Variants in CCDC122 observed in about 807,000 individuals in gnomAD.
CCDC122 encodes the protein coiled-coil domain containing 122.
Under a neutral mutation model 37.0 loss-of-function variants are expected in CCDC122, and 38 were observed. That is an observed-to-expected ratio of 1.03 (90% CI 0.79 to 1.35). CCDC122 has a LOEUF of 1.35. Ranked by LOEUF, CCDC122 falls within the 40% of genes most tolerant of loss-of-function variation. CCDC122 has a pLI of 0.00. For synonymous variants in CCDC122, 83 were observed against 95.6 expected (o/e 0.87, Z 0.77); for missense variants, 305 against 310.0 (o/e 0.98, Z 0.12).
At chr13:43,868,644 T>C (rs1954349858) in intron 4 of CCDC122, 50 bp downstream of exon 4, 1 of 952,172 alleles carries the variant, frequency 1.1e-6, no homozygotes, top group Non-Finnish European at 1.5e-6. Flanking sequence ...TCCTGGTCAT[T>C]TACTTTTGAA....
At chr13:43,834,326 T>C (rs980639276), downstream of CCDC122, among the ~76,000 whole-genome samples, 1 of 152,174 alleles carries the variant, frequency 6.6e-6, no homozygotes, top group Non-Finnish European at 1.5e-5. Flanking sequence ...GATTAAAGAC[T>C]TAAACATTAG....
At chr13:43,855,391 A>ACC (rs1293076203) in intron 6 of CCDC122, 1 of 143,838 alleles carries the variant, frequency 7.0e-6, no homozygotes, top group African/African-American at 2.5e-5. Flanking sequence ...ACACACACAC[A>ACC]CACCCCTAAG....
intron 1 of CCDC122, among the ~76,000 whole-genome samples, chr13:43,875,363 T>C (rs1954575652): frequency 6.6e-6 from 1 of 152,176 alleles, no homozygotes; most frequent in Admixed American, 6.5e-5. Flanking sequence ...TCCAAAGATA[T>C]ATCCACGTCC....
intron 3 of CCDC122, among the ~76,000 whole-genome samples, chr13:43,825,426 G>C (rs1953030216): frequency 6.6e-6 from 1 of 152,036 alleles, no homozygotes; most frequent in Non-Finnish European, 1.5e-5. Flanking sequence ...AAAATGGGGA[G>C]CTAAATGCTG....
At chr13:43,824,647 A>T (rs1953022673) in intron 3 of CCDC122, among the ~76,000 whole-genome samples, 1 of 152,248 alleles carries the variant, frequency 6.6e-6, no homozygotes, top group African/African-American at 2.4e-5. Context: ...TTTGCAAACT[A>T]TGCAGCTGAC....
At chr13:43,831,249 A>G (rs1953086466) in intron 3 of CCDC122, among the ~76,000 whole-genome samples, 1 of 152,214 alleles carries the variant, frequency 6.6e-6, no homozygotes, top group Non-Finnish European at 1.5e-5. Flanking sequence ...AGAGAAAATC[A>G]TGTGCTGTTT....
intron 6 of CCDC122, chr13:43,855,363 C>CACACACACACACA (rs1566947365): frequency 1.4e-5 from 2 of 145,406 alleles, no homozygotes; most frequent in African/African-American, 5.0e-5. Context: ...TTCACAGTTG[C>CACACACACACACA]CACACACACA....
intron 2 of CCDC122, among the ~76,000 whole-genome samples, chr13:43,872,429 C>A (rs1954481751): frequency 6.6e-6 from 1 of 152,198 alleles, no homozygotes; most frequent in African/African-American, 2.4e-5. Context: ...GTCAAGTGGG[C>A]CCTTGATCCT....
At chr13:43,877,978 TG>T (rs1954693514) in intron 1 of CCDC122, 1 of 151,742 alleles carries the variant, frequency 6.6e-6, no homozygotes, top group Non-Finnish European at 1.5e-5. Flanking sequence ...AGAGTGAAAA[TG>T]GGATGAGGAA....
intron 2 of CCDC122, among the ~76,000 whole-genome samples, chr13:43,870,059 G>A (rs1276682072): frequency 2.0e-5 from 3 of 152,124 alleles, no homozygotes; most frequent in East Asian, 3.9e-4. Context: ...AAGCATTCAT[G>A]TACTAGTTAC....
chr13:43,819,609 C>G (rs1952980626), downstream of CCDC122, among the ~76,000 whole-genome samples: 1 of 152,006 alleles, frequency 6.6e-6, no homozygotes. Context: ...CTATACTACG[C>G]TACTTTTTGT....
At chr13:43,868,832 T>C (rs780604886) in intron 3 of CCDC122, 29 bp from the exon 4 acceptor site, 4 of 1,056,196 alleles carry the variant, frequency 3.8e-6, no homozygotes, top group African/African-American at 1.7e-5. Context: ...ATAAAGTATA[T>C]AATAAAAATT....
chr13:43,825,505 C>T (rs951035378), intron 3 of CCDC122, among the ~76,000 whole-genome samples: 2 of 151,920 alleles, frequency 1.3e-5, no homozygotes, highest in African/African-American at 4.8e-5. Context: ...GATGGTGGCT[C>T]ACGCCTATAA....
In CCDC122 at chr13:43,837,145, A is replaced by C. The variant is rs1178147570; in HGVS notation, c.*135T>G. On this transcript the variant is annotated 3_prime_UTR_variant, in exon 7 of 7. Coordinates refer to ENST00000444614, the MANE Select transcript of CCDC122 (RefSeq NM_144974.5). ...CGATGACTGATTTAAAAAAAACAAC[A>C]ACCGAAGACATCTGTCATTAAGACA... 1.8e-5 allele frequency: 15 copies of C among 832,946 alleles called. No individual in the cohort carries two copies. The East Asian group carries it at 3.6e-4, about 20-fold the overall frequency. 51.6% of individuals were successfully genotyped at this position (832,946 alleles called of 1,614,324 possible).
At chr13:43,853,727 T>A (rs1016341278) in intron 6 of CCDC122, among the ~76,000 whole-genome samples, 1 of 152,172 alleles carries the variant, frequency 6.6e-6, no homozygotes, top group Non-Finnish European at 1.5e-5. Context: ...CTAAAATTAA[T>A]CACATAATCA....
At chr13:43,831,575 C>CA (rs533134415), downstream of CCDC122, among the ~76,000 whole-genome samples, 209 of 152,102 alleles carry the variant, frequency 1.4e-3, no homozygotes, top group Non-Finnish European at 2.5e-3. Flanking sequence ...TGATTTTGGA[C>CA]AAAAAATGTT....
intron 4 of CCDC122, among the ~76,000 whole-genome samples, chr13:43,865,471 TC>T (rs1230148213): frequency 6.6e-6 from 1 of 152,168 alleles, no homozygotes; most frequent in Admixed American, 6.5e-5. Context: ...TGTTTTTTTT[TC>T]CTATACATAT....
rs539190081 is a variant in CCDC122 at position 43,840,147 on chromosome 13, A to G, written c.673-2718T>C. On this transcript the variant is annotated intron_variant, in intron 6 of 6. Transcript: ENST00000444614. ...TTCCATCTTGTCTACCTATTGAGTT[A>G]GGTTGCAGTTCATCCACTAGGACTC... 1.2e-3 allele frequency among the ~76,000 whole-genome samples: 177 copies of G among 152,294 alleles called. 7 individuals carry two copies. In the South Asian group the frequency reaches 0.035, roughly 30 times the overall value.
intron 4 of CCDC122, among the ~76,000 whole-genome samples, 173 bp from the exon 5 acceptor site, chr13:43,860,243 A>C (rs1954064190): frequency 6.6e-6 from 1 of 152,040 alleles, no homozygotes; most frequent in Non-Finnish European, 1.5e-5. Flanking sequence ...TTATTTTATA[A>C]TTTCAGAAGG....
Sources: allele counts gnomAD v4.1 joint callset (sites outside exome capture counted in the v4.1 genomes callset), GRCh38; gene constraint gnomAD v4.1.1; transcripts MANE v1.5; gene names NCBI Gene and HGNC (gene_info 2026-07-23, HGNC 2026-07-21).